The following ABCD3 variants were observed in gnomAD, a reference collection of about 807,000 sequenced individuals.
The protein encoded by ABCD3 is ATP-binding cassette sub-family D member 3.
ABCD3 carries 41 observed loss-of-function variants against 105.5 expected under a neutral mutation model. That is an observed-to-expected ratio of 0.39 (90% confidence interval 0.30 to 0.50). The LOEUF is 0.50. Among genes scored for constraint, ABCD3 ranks in the 20% least tolerant of loss-of-function variants. ABCD3 has a pLI of 0.84. For missense variants in ABCD3, 622 were observed against 806.3 expected (o/e 0.77, Z 2.77); for synonymous variants, 258 against 269.0 (o/e 0.96, Z 0.40).
chr1:94,395,240 C>G, the ABCD3 span, among the ~76,000 whole-genome samples: 4 of 152,162 alleles, frequency 2.6e-5, no homozygotes, highest in Admixed American at 6.6e-5. Flanking sequence ...ATTGCTTTAT[C>G]AGTCAGGAGC....
At chr1:94,392,969 G>C in the ABCD3 span, among the ~76,000 whole-genome samples, 1 of 151,802 alleles carries the variant, frequency 6.6e-6, no homozygotes, top group African/African-American at 2.4e-5. Context: ...AAAATTAGCT[G>C]GTTGTGGTGG....
intron 6 of ABCD3, 133 bp from the exon 7 acceptor site, chr1:94,475,481 A>C: frequency 2.1e-6 from 2 of 938,142 alleles, no homozygotes; most frequent in South Asian, 3.2e-5. Flanking sequence ...TAGGGCAATC[A>C]ATAGGATCTC....
chr1:94,411,156 T>C, the ABCD3 span, among the ~76,000 whole-genome samples: 7 of 152,170 alleles, frequency 4.6e-5, no homozygotes, highest in Non-Finnish European at 8.8e-5. Context: ...GTAAAACCTT[T>C]TTGTATTAAA....
At chr1:94,486,513 A>T (rs1179581799) in intron 10 of ABCD3, among the ~76,000 whole-genome samples, 1 of 152,236 alleles carries the variant, frequency 6.6e-6, no homozygotes, top group East Asian at 1.9e-4. Context: ...TGCAGAAGAT[A>T]CCAAGTTGTT....
At position 94,498,958 on chromosome 1, in the gene ABCD3, C is replaced by T. The variant is rs1420130095; in HGVS notation, c.1544C>T (p.Thr515Ile). ...TACTACTGTCAGAGACCTTACATGA[C>T]CCTTGGAACACTTCGAGATCAAGTG... is the stretch of plus-strand genomic sequence containing the variant. ...LFYVPQRPYMTLGTLRDQVIY... is the reference protein window; with the variant it reads ...LFYVPQRPYMILGTLRDQVIY... The change falls in exon 19 of 23, where the codon ACC (threonine) becomes ATC (isoleucine). Residue 515 changes from threonine (T) to isoleucine (I), a missense_variant. Physicochemically the swap from Thr to Ile is moderately conservative, Grantham distance 89. Around this residue, in one of 4 missense-constraint regions of ABCD3, gnomAD observed 285 missense variants for 352.5 expected, o/e 0.81. Transcript: ENST00000370214. 6.2e-7 allele frequency: 1 copy of T among 1,613,848 alleles called. No homozygotes were observed. The highest frequency in any genetic ancestry group is 1.7e-5 in the Admixed American group (1 of 59,982).
In ABCD3 at chr1:94,480,649, A is replaced by G. The variant is rs149439656; in HGVS notation, c.827+43A>G. On this transcript the variant is annotated intron_variant, in intron 9 of 22. Transcript: ENST00000370214. ...AAAGCCTTGCTAAAAATTAATTTCT[A>G]TGGATATTGATGTCATTTAAATTGA... 4,254 of 1,603,218 alleles carry G rather than the reference A, an allele frequency of 2.7e-3. 10 individuals carry two copies. Among genetic ancestry groups the G allele is most frequent in the Non-Finnish European group, 3.5e-3 (4,076 of 1,171,370 alleles).
chr1:94,490,024 C>A, intron 15 of ABCD3, 49 bp downstream of exon 15: 1 of 1,493,618 alleles, frequency 6.7e-7, no homozygotes, highest in Non-Finnish European at 9.3e-7. Flanking sequence ...TGTTAAACTT[C>A]ATAGTAGTCT....
chr1:94,442,626 C>T (rs993598945), intron 1 of ABCD3, among the ~76,000 whole-genome samples: 2 of 152,188 alleles, frequency 1.3e-5, no homozygotes, highest in Admixed American at 1.3e-4. Context: ...CCCCGCCACC[C>T]TCCCACCTTT....
the ABCD3 span, among the ~76,000 whole-genome samples, chr1:94,402,046 C>T: frequency 1.3e-5 from 2 of 152,200 alleles, no homozygotes; most frequent in African/African-American, 4.8e-5. Context: ...TTCATTGAAT[C>T]AAGTAGTGTG....
upstream of ABCD3, chr1:94,418,385 T>G (rs1019748297): frequency 2.9e-5 from 33 of 1,149,962 alleles, no homozygotes; most frequent in South Asian, 9.2e-5. Flanking sequence ...CCCTCTGCTC[T>G]CCTCCCAGTC....
At chr1:94,499,267 A>T (rs2101042045) in intron 19 of ABCD3, among the ~76,000 whole-genome samples, 1 of 152,278 alleles carries the variant, frequency 6.6e-6, no homozygotes, top group East Asian at 1.9e-4. Flanking sequence ...TTTACTGTGT[A>T]CAATAGTGTT....
intron 20 of ABCD3, among the ~76,000 whole-genome samples, chr1:94,503,082 C>T (rs995048346): frequency 1.1e-4 from 17 of 151,964 alleles, no homozygotes; most frequent in African/African-American, 3.9e-4. Flanking sequence ...CATCAGATAT[C>T]GTTAGTGGTA....
At chr1:94,424,515 C>G (rs1301424763) in intron 1 of ABCD3, among the ~76,000 whole-genome samples, 1 of 152,118 alleles carries the variant, frequency 6.6e-6, no homozygotes, top group East Asian at 1.9e-4. Context: ...CTTTGCCACC[C>G]AGGCTCAAAC....
At chr1:94,515,252 A>C in intron 22 of ABCD3, 50 bp downstream of exon 22, 1 of 1,426,892 alleles carries the variant, frequency 7.0e-7, no homozygotes, top group Admixed American at 1.7e-5. Flanking sequence ...TTTTCTTTAA[A>C]ATATGAATTC....
At chr1:94,403,145 A>G in the ABCD3 span, among the ~76,000 whole-genome samples, 2 of 151,902 alleles carry the variant, frequency 1.3e-5, no homozygotes, top group Non-Finnish European at 2.9e-5. Flanking sequence ...ATCATTTTTT[A>G]TGGCTGAAAA....
At chr1:94,418,974 CATCTT>C in intron 1 of ABCD3, 1 of 251,126 alleles carries the variant, frequency 4.0e-6, no homozygotes, top group East Asian at 1.1e-4. Flanking sequence ...TTTGCCATCT[CATCTT>C]CAGACCGTGA....
chr1:94,478,557 G>A, intron 8 of ABCD3: 1 of 1,598,074 alleles, frequency 6.3e-7, no homozygotes, highest in Non-Finnish European at 8.5e-7. Context: ...TTAAAAACCA[G>A]ACAAATGTAT....
At chr1:94,452,722 G>T (rs1460536781) in intron 1 of ABCD3, among the ~76,000 whole-genome samples, 1 of 150,130 alleles carries the variant, frequency 6.7e-6, no homozygotes, top group Non-Finnish European at 1.5e-5. Flanking sequence ...GGTTTTTTTT[G>T]TTTTTTTTTG....
chr1:94,510,562 G>T (rs920323938), intron 21 of ABCD3, among the ~76,000 whole-genome samples: 11 of 152,110 alleles, frequency 7.2e-5, no homozygotes, highest in African/African-American at 2.7e-4. Flanking sequence ...TTTCTGTCTT[G>T]TTGATCTGAC....
Sources: gnomAD v4.1 joint callset for allele counts (sites outside exome capture counted in the v4.1 genomes callset) on GRCh38, gnomAD v4.1.1 for gene constraint, gnomAD v4.1.1 regional missense constraint, MANE v1.5 for transcripts, NCBI Gene and HGNC (gene_info 2026-07-23, HGNC 2026-07-21) for gene names.